Variants in CNOT1 observed in about 807,000 individuals in gnomAD.
CNOT1 encodes the protein CCR4-associated factor 1.
CNOT1 carries 15 observed loss-of-function variants against 273.8 expected under a neutral mutation model. The ratio of observed to expected loss-of-function variants is 0.05; its 90% CI spans 0.04 to 0.08. CNOT1 has a LOEUF of 0.08. Among genes scored for constraint, CNOT1 ranks in the 10% least tolerant of loss-of-function variants. The probability of loss-of-function intolerance (pLI) is 1.00; values close to 1 mark genes in which losing one functional copy is unlikely to be tolerated. For missense variants in CNOT1, 1,644 were observed against 2,912.2 expected (o/e 0.56, Z 10.02); for synonymous variants, 1,022 against 1,005.5 (o/e 1.02, Z -0.31).
chr16:58,574,501 G>C, intron 16 of CNOT1, 108 bp downstream of exon 16: 1 of 1,092,254 alleles, frequency 9.2e-7, no homozygotes, highest in Non-Finnish European at 1.3e-6. Context: ...AAAACCATTG[G>C]ACCATTTTAA....
At chr16:58,546,620 T>TAA in intron 28 of CNOT1, 52 bp downstream of exon 28, 1 of 1,613,232 alleles carries the variant, frequency 6.2e-7, no homozygotes, top group South Asian at 1.1e-5. Context: ...CTGTAAGTTT[T>TAA]AATAATGTGA....
chr16:58,597,022 C>G (rs878986846), intron 2 of CNOT1, among the ~76,000 whole-genome samples: 3 of 146,798 alleles, frequency 2.0e-5, no homozygotes, highest in Admixed American at 1.4e-4. Context: ...CAGGACTGAA[C>G]AGCTAAAATC....
At chr16:58,579,920 T>G (rs958235093) in intron 12 of CNOT1, among the ~76,000 whole-genome samples, 1 of 152,064 alleles carries the variant, frequency 6.6e-6, no homozygotes, top group South Asian at 2.1e-4. Flanking sequence ...CTGAAAAGCA[T>G]TAGATTTGGC....
chr16:58,526,247 G>A (rs2039575955), intron 44 of CNOT1, 109 bp from the exon 45 acceptor site: 2 of 1,031,394 alleles, frequency 1.9e-6, no homozygotes, highest in Non-Finnish European at 2.9e-6. Flanking sequence ...CACTATAAAT[G>A]CCTTGAAGAG....
chr16:58,624,036 ACT>A (rs1366110347), intron 1 of CNOT1, among the ~76,000 whole-genome samples: 1 of 151,980 alleles, frequency 6.6e-6, no homozygotes, highest in Non-Finnish European at 1.5e-5. Flanking sequence ...TACATAAGCC[ACT>A]CTAGCAAGTT....
intron 11 of CNOT1, 38 bp from the exon 12 acceptor site, chr16:58,580,798 G>A: frequency 1.3e-6 from 2 of 1,567,576 alleles, no homozygotes; most frequent in East Asian, 2.3e-5. Flanking sequence ...ATAAATGATT[G>A]TGAATGCTAT....
At chr16:58,579,868 C>T (rs777703074) in intron 12 of CNOT1, among the ~76,000 whole-genome samples, 2 of 152,062 alleles carry the variant, frequency 1.3e-5, no homozygotes, top group Non-Finnish European at 2.9e-5. Flanking sequence ...GATTCTACCT[C>T]GAAAATTTGA....
chr16:58,601,329 G>C (rs12232436), intron 1 of CNOT1, among the ~76,000 whole-genome samples: 114,556 of 152,030 alleles, frequency 0.75, 43,566 homozygotes, highest in Middle Eastern at 0.86. Flanking sequence ...TAACTCCTGA[G>C]CTTGTGATCC....
chr16:58,553,146 C>G (rs2040510609), intron 22 of CNOT1, among the ~76,000 whole-genome samples: 1 of 151,986 alleles, frequency 6.6e-6, no homozygotes, highest in South Asian at 2.1e-4. Context: ...ATGGCAGGTG[C>G]CTGTAATCGC....
At chr16:58,609,740 G>A (rs570607169) in intron 1 of CNOT1, among the ~76,000 whole-genome samples, 19 of 152,118 alleles carry the variant, frequency 1.2e-4, no homozygotes, top group Non-Finnish European at 1.8e-4. Flanking sequence ...TGGGATTATA[G>A]CCATGAACTA....
rs2039951672 is a variant in CNOT1 at position 58,537,188 on chromosome 16, T to C, written c.5447A>G (p.Asn1816Ser). The change falls in exon 39 of 49, where the codon AAC becomes AGC. Residue 1816 changes from asparagine (N) to serine (S), a missense_variant. Transcript: ENST00000317147. ...AGCACGATCAATCATTGCTTCATAG[T>C]TGGATCGCACTACTTCCATCAGCTG... Reference protein sequence around the residue: ...LPQLMEVVRSNYEAMIDRAHG... With the variant: ...LPQLMEVVRSSYEAMIDRAHG... The C allele has an allele frequency of 6.2e-7, 1 of 1,611,822 alleles. No individual in the cohort carries two copies.
chr16:58,566,371 T>C (rs4784957), intron 16 of CNOT1, among the ~76,000 whole-genome samples: 54,758 of 152,120 alleles, frequency 0.36, 10,919 homozygotes, highest in Non-Finnish European at 0.46. Context: ...CATTATCTTA[T>C]TAAATTTTTC....
intron 1 of CNOT1, among the ~76,000 whole-genome samples, chr16:58,613,166 G>A (rs1232624547): frequency 1.3e-5 from 2 of 152,006 alleles, no homozygotes; most frequent in African/African-American, 4.8e-5. Flanking sequence ...TAAGTAGCTG[G>A]GATTACAGGC....
intron 2 of CNOT1, among the ~76,000 whole-genome samples, chr16:58,591,841 A>T (rs996554257): frequency 1.3e-5 from 2 of 151,752 alleles, no homozygotes; most frequent in Non-Finnish European, 1.5e-5. Flanking sequence ...ATCCTCCCTC[A>T]TGTCTTCTTT....
intron 46 of CNOT1, chr16:58,523,908 ACT>A (rs1470238679): frequency 1.2e-5 from 2 of 162,944 alleles, no homozygotes; most frequent in Non-Finnish European, 2.7e-5. Flanking sequence ...TCAACTGTAC[ACT>A]CATGACAGAA....
chr16:58,521,665 C>T (rs1473474461), intron 47 of CNOT1, among the ~76,000 whole-genome samples: 5 of 152,180 alleles, frequency 3.3e-5, no homozygotes, highest in South Asian at 2.1e-4. Context: ...CCAGAATGAG[C>T]TCCCAGGCCG....
chr16:58,560,178 A>G, intron 17 of CNOT1, 34 bp downstream of exon 17: 2 of 1,607,404 alleles, frequency 1.2e-6, no homozygotes, highest in Non-Finnish European at 1.7e-6. Context: ...AATCTATGGC[A>G]AATGAAGATG....
intron 13 of CNOT1, among the ~76,000 whole-genome samples, chr16:58,576,822 C>T (rs2041470819): frequency 6.6e-6 from 1 of 152,200 alleles, no homozygotes; most frequent in Non-Finnish European, 1.5e-5. Flanking sequence ...ATTCAACAAA[C>T]TTATTTGTCC....
At chr16:58,607,231 T>C (rs1381568428) in intron 1 of CNOT1, among the ~76,000 whole-genome samples, 2 of 152,180 alleles carry the variant, frequency 1.3e-5, no homozygotes. Context: ...ATGGATAGTA[T>C]TATTTACCGC....
Sources: gnomAD v4.1 joint callset for allele counts (sites outside exome capture counted in the v4.1 genomes callset) on GRCh38, gnomAD v4.1.1 for gene constraint, MANE v1.5 for transcripts, NCBI Gene and HGNC (gene_info 2026-07-23, HGNC 2026-07-21) for gene names.